EPB41L5: variants seen among roughly 807,000 people sequenced by gnomAD.
The protein encoded by EPB41L5 is erythrocyte membrane protein band 4.1 like 5.
A neutral mutation model predicts 106.6 loss-of-function variants in EPB41L5; 55 were observed. That is an observed-to-expected ratio of 0.52 (90% confidence interval 0.42 to 0.65). EPB41L5 has a LOEUF of 0.65. EPB41L5 is among the 30% of genes least tolerant of loss of function. The probability of loss-of-function intolerance (pLI) is 0.00; values close to 1 mark genes in which losing one functional copy is unlikely to be tolerated. For missense variants in EPB41L5, 871 were observed against 882.1 expected (o/e 0.99, Z 0.16); for synonymous variants, 297 against 306.7 (o/e 0.97, Z 0.33).
At chr2:120,073,993 A>C in intron 4 of EPB41L5, 107 bp from the exon 5 acceptor site, 1 of 777,670 alleles carries the variant, frequency 1.3e-6, no homozygotes, top group Non-Finnish European at 2.1e-6. Flanking sequence ...TGCCATAAAA[A>C]CCTCATCTTT....
chr2:120,073,993 A>T, intron 4 of EPB41L5, 107 bp from the exon 5 acceptor site: 24 of 777,664 alleles, frequency 3.1e-5, no homozygotes, highest in Non-Finnish European at 4.8e-5. Context: ...TGCCATAAAA[A>T]CCTCATCTTT....
At chr2:120,044,049 A>G (rs574050113) in intron 3 of EPB41L5, among the ~76,000 whole-genome samples, 1 of 151,070 alleles carries the variant, frequency 6.6e-6, no homozygotes, top group Non-Finnish European at 1.5e-5. Context: ...GGGAGGTGGG[A>G]GGATCGCATG....
At chr2:120,028,750 C>T (rs920044701) in intron 2 of EPB41L5, among the ~76,000 whole-genome samples, 1 of 151,794 alleles carries the variant, frequency 6.6e-6, no homozygotes, top group Non-Finnish European at 1.5e-5. Flanking sequence ...TTGGATATAG[C>T]GTGGGGAGGG....
At chr2:120,045,975 A>G (rs1679745991) in intron 3 of EPB41L5, among the ~76,000 whole-genome samples, 1 of 152,168 alleles carries the variant, frequency 6.6e-6, no homozygotes, top group African/African-American at 2.4e-5. Flanking sequence ...ATGTTCCTAC[A>G]AAGGACATGA....
chr2:120,044,608 G>A (rs944171771), intron 3 of EPB41L5, among the ~76,000 whole-genome samples: 4 of 152,228 alleles, frequency 2.6e-5, no homozygotes, highest in African/African-American at 9.6e-5. Flanking sequence ...AGTAACTGTG[G>A]AAAGAAACAT....
At chr2:120,075,095 T>A (rs1161752825) in intron 5 of EPB41L5, among the ~76,000 whole-genome samples, 1 of 152,164 alleles carries the variant, frequency 6.6e-6, no homozygotes, top group Non-Finnish European at 1.5e-5. Flanking sequence ...CCCAAAGTGC[T>A]AGGATTATAG....
chr2:120,137,187 A>G (rs1685960131), intron 18 of EPB41L5, among the ~76,000 whole-genome samples: 1 of 152,070 alleles, frequency 6.6e-6, no homozygotes, highest in African/African-American at 2.4e-5. Context: ...TGGAAACAAA[A>G]CATACTAAAA....
At chr2:120,031,635 G>T (rs1678716066) in intron 2 of EPB41L5, among the ~76,000 whole-genome samples, 4 of 152,022 alleles carry the variant, frequency 2.6e-5, no homozygotes, top group Admixed American at 1.3e-4. Flanking sequence ...CTGTAATCAA[G>T]ATCTCACATC....
intron 1 of EPB41L5, among the ~76,000 whole-genome samples, chr2:120,016,377 C>T (rs1174681907): frequency 6.6e-6 from 1 of 151,824 alleles, no homozygotes; most frequent in Admixed American, 6.6e-5. Context: ...TTGCAGTGAG[C>T]CGAGATCGCG....
At chr2:120,067,146 G>C (rs1298078065) in intron 3 of EPB41L5, among the ~76,000 whole-genome samples, 1 of 152,196 alleles carries the variant, frequency 6.6e-6, no homozygotes, top group Non-Finnish European at 1.5e-5. Context: ...TGGCACAGTA[G>C]CCCGCGCACT....
Position 120,077,322 on chromosome 2 carries a change from CA to C in EPB41L5, c.714+7del, listed in dbSNP as rs1682316332. 1.2e-6 allele frequency: 2 copies of C among 1,603,306 alleles called. No homozygotes were observed. Among genetic ancestry groups the C allele is most frequent in the African/African-American group, 2.7e-5 (2 of 74,610 alleles). ...TTGATATGCATGTGGTCAAGGTAAG[CA>C]TTGTGTTGTGATGCTTTTTTAAAAA... is the stretch of plus-strand genomic sequence containing the variant. On this transcript the variant is annotated splice_region_variant and intron_variant, in intron 9 of 24. Transcript: ENST00000263713.
At position 120,090,420 on chromosome 2, in the gene EPB41L5, C is replaced by G; in HGVS notation, c.947C>G (p.Ala316Gly). Reference sequence around the variant, plus strand: ...GCATGCAAACATTTATGGAAATGTGCTGTGGAGCATCATGCTTTCTTCCGC... The same window carrying G: ...GCATGCAAACATTTATGGAAATGTGGTGTGGAGCATCATGCTTTCTTCCGC... Reference protein sequence around the residue: ...PKACKHLWKCAVEHHAFFRLR... With the variant: ...PKACKHLWKCGVEHHAFFRLR... Residue 316 changes from alanine to glycine, a missense_variant, in exon 12 of 25, where the codon GCT becomes GGT. Transcript: ENST00000263713. 1.2e-6 allele frequency: 2 copies of G among 1,613,646 alleles called. No individual in the cohort carries two copies. The highest frequency in any genetic ancestry group is 1.3e-5 in the African/African-American group (1 of 74,986).
At position 120,042,011 on chromosome 2, in the gene EPB41L5, A is replaced by T; in HGVS notation, c.186A>T (p.Lys62Asn). 6.2e-7 allele frequency: 1 copy of T among 1,608,972 alleles called. No homozygotes were observed. Among genetic ancestry groups the T allele is most frequent in the East Asian group, 2.2e-5 (1 of 44,760 alleles). ...GTDVSVDLPKKAKGQELFDQI... is the reference protein window; with the variant it reads ...GTDVSVDLPKNAKGQELFDQI... ...TTATTATCTTGCCATTTCAGAAAAAAGCCAAAGGACAAGAGTTGTTTGATC... is the reference window on the plus strand; with the variant it reads ...TTATTATCTTGCCATTTCAGAAAAATGCCAAAGGACAAGAGTTGTTTGATC... The change falls in exon 3 of 25, where the codon AAA becomes AAT. Residue 62 changes from lysine (K) to asparagine (N), a missense_variant. Lys to Asn is a moderately conservative substitution (Grantham distance 94). Transcript: ENST00000263713.
Position 120,100,328 on chromosome 2 carries a change from A to G in EPB41L5, c.1221+42A>G, listed in dbSNP as rs376511090. ...CTTCTAAAACACTGGATCACCCGTT[A>G]ATTATGGTAACAGTAGTAGTATTGA... On this transcript the variant is annotated intron_variant, in intron 15 of 24. Transcript: ENST00000263713. 4.3e-5 allele frequency: 67 copies of G among 1,567,632 alleles called. 1 individual carries two copies. In the African/African-American group the frequency reaches 7.8e-4, roughly 18 times the overall value.
At chr2:120,123,646 C>CATTTTTTTTTTTTTTTT (rs1178238151) in intron 16 of EPB41L5, among the ~76,000 whole-genome samples, 1 of 68,304 alleles carries the variant, frequency 1.5e-5, no homozygotes. Context: ...GTGTTCGTCC[C>CATTTTTTTTTTTTTTTT]TTTTTTTTTT....
intron 18 of EPB41L5, among the ~76,000 whole-genome samples, chr2:120,138,942 G>A (rs1319908570): frequency 6.6e-6 from 1 of 151,948 alleles, no homozygotes; most frequent in East Asian, 1.9e-4. Flanking sequence ...ATACTACAGA[G>A]CTATAGTAAC....
At chr2:120,111,937 A>G (rs1266043439) in intron 16 of EPB41L5, among the ~76,000 whole-genome samples, 1 of 152,122 alleles carries the variant, frequency 6.6e-6, no homozygotes, top group Non-Finnish European at 1.5e-5. Context: ...CATACCAAGC[A>G]TGTTCTCTCA....
chr2:120,166,246 C>T (rs563332035), intron 22 of EPB41L5, among the ~76,000 whole-genome samples: 2 of 152,098 alleles, frequency 1.3e-5, no homozygotes, highest in African/African-American at 2.4e-5. Context: ...AACATGTTCC[C>T]AGGTGGTGCA....
At position 120,040,073 on chromosome 2, in the gene EPB41L5, A is replaced by T. The variant is rs576561244; in HGVS notation, c.181-1933A>T. 1.1e-4 allele frequency among the ~76,000 whole-genome samples: 16 copies of T among 146,856 alleles called. No homozygotes were observed. In the South Asian group the frequency reaches 2.3e-3, roughly 21 times the overall value. ...TTCTGAACTTTTGTCTGTGCTTTTTATATATATATATATACGTATTTAAAT... is the reference window on the plus strand; with the variant it reads ...TTCTGAACTTTTGTCTGTGCTTTTTTTATATATATATATACGTATTTAAAT... On this transcript the variant is annotated intron_variant, in intron 2 of 24. Transcript: ENST00000263713.
Sources: allele counts gnomAD v4.1 joint callset (sites outside exome capture counted in the v4.1 genomes callset), GRCh38; gene constraint gnomAD v4.1.1; transcripts MANE v1.5; gene names NCBI Gene and HGNC (gene_info 2026-07-23, HGNC 2026-07-21).